Variants in HIVEP3 observed in about 807,000 individuals in gnomAD.
HIVEP3 encodes the protein transcription factor HIVEP3.
In HIVEP3, 49 loss-of-function variants were observed where a neutral mutation model predicts 152.8. The ratio of observed to expected loss-of-function variants is 0.32; its 90% CI spans 0.26 to 0.41. The LOEUF (loss-of-function observed/expected upper bound fraction) is 0.41. Ranked by LOEUF, HIVEP3 falls within the 10% of genes least tolerant of loss-of-function variation. The pLI is 1.00. For synonymous variants in HIVEP3, 1,269 were observed against 1,289.0 expected (o/e 0.98, Z 0.33); for missense variants, 2,790 against 3,103.3 (o/e 0.90, Z 2.40).
intron 1 of HIVEP3, among the ~76,000 whole-genome samples, chr1:41,975,561 C>T (rs566995221): frequency 6.6e-6 from 1 of 152,186 alleles, no homozygotes; most frequent in Non-Finnish European, 1.5e-5. Context: ...AATTACAGTG[C>T]TGTATTTCTT....
At chr1:41,734,540 C>T (rs1366275654) in intron 1 of HIVEP3, among the ~76,000 whole-genome samples, 1 of 152,186 alleles carries the variant, frequency 6.6e-6, no homozygotes, top group Non-Finnish European at 1.5e-5. Context: ...AGGTGTTCAG[C>T]CAAGGAGCGA....
At chr1:41,711,537 GTGAT>G (rs1256492579) in intron 1 of HIVEP3, among the ~76,000 whole-genome samples, 4 of 152,232 alleles carry the variant, frequency 2.6e-5, no homozygotes, top group Non-Finnish European at 5.9e-5. Context: ...CCATGGGAAG[GTGAT>G]CTCTTTGAGC....
At chr1:41,554,943 G>C (rs1427180617) in intron 5 of HIVEP3, among the ~76,000 whole-genome samples, 1 of 152,190 alleles carries the variant, frequency 6.6e-6, no homozygotes, top group African/African-American at 2.4e-5. Flanking sequence ...TAGGCTACAC[G>C]GGGGTCAAGA....
intron 2 of HIVEP3, among the ~76,000 whole-genome samples, chr1:41,690,317 GGGCAGGGGATGGCTGGGTGT>G (rs1212749766): frequency 3.9e-5 from 6 of 152,236 alleles, no homozygotes; most frequent in Admixed American, 6.5e-5. Context: ...CTGGCTCAAG[GGGCAGGGGATGGCTGGGTGT>G]GGCAGGGGCA....
intron 3 of HIVEP3, among the ~76,000 whole-genome samples, chr1:41,617,610 A>C (rs1644987886): frequency 6.6e-6 from 1 of 152,206 alleles, no homozygotes; most frequent in Non-Finnish European, 1.5e-5. Flanking sequence ...TCCCCATTCA[A>C]AGACACACAG....
intron 5 of HIVEP3, chr1:41,543,716 A>G (rs1052483673): frequency 2.0e-5 from 3 of 152,422 alleles, no homozygotes; most frequent in African/African-American, 4.8e-5. Context: ...ACCTGACCAC[A>G]ACCCAGATGC....
At chr1:42,019,919 C>G (rs72953214) in intron 1 of HIVEP3, among the ~76,000 whole-genome samples, 1,702 of 152,150 alleles carry the variant, frequency 0.011, 27 homozygotes, top group African/African-American at 0.038. Context: ...TAAATCAACA[C>G]TGAATTTTAT....
intron 1 of HIVEP3, among the ~76,000 whole-genome samples, chr1:42,027,177 A>G (rs1362647234): frequency 6.6e-6 from 1 of 151,748 alleles, no homozygotes; most frequent in African/African-American, 2.4e-5. Flanking sequence ...AATAATCTTG[A>G]CTCCTCTCTC....
chr1:41,826,539 G>A (rs1038579692), intron 1 of HIVEP3, among the ~76,000 whole-genome samples: 2 of 152,144 alleles, frequency 1.3e-5, no homozygotes, highest in Non-Finnish European at 2.9e-5. Flanking sequence ...TCAGCCTCCC[G>A]ATGTGAACTG....
chr1:41,803,615 G>A (rs542000961), intron 1 of HIVEP3, among the ~76,000 whole-genome samples: 4 of 152,274 alleles, frequency 2.6e-5, no homozygotes, highest in Admixed American at 6.5e-5. Flanking sequence ...GGGCCACATG[G>A]TCCAAGAGCC....
intron 1 of HIVEP3, among the ~76,000 whole-genome samples, chr1:41,965,398 T>G (rs1175640704): frequency 6.6e-6 from 1 of 152,184 alleles, no homozygotes; most frequent in Non-Finnish European, 1.5e-5. Context: ...CTGACAGAAG[T>G]AGGCTTCAGA....
At chr1:41,637,916 G>A (rs1169287387) in intron 2 of HIVEP3, among the ~76,000 whole-genome samples, 1 of 152,170 alleles carries the variant, frequency 6.6e-6, no homozygotes, top group African/African-American at 2.4e-5. Context: ...GATGAAAACA[G>A]TTAAGAGGCC....
intron 5 of HIVEP3, among the ~76,000 whole-genome samples, chr1:41,554,628 A>C (rs1009632552): frequency 6.6e-6 from 1 of 152,108 alleles, no homozygotes. Context: ...TTGTTGTTTT[A>C]TCTACCTTTG....
At chr1:41,526,817 C>T (rs28972311) in intron 5 of HIVEP3, among the ~76,000 whole-genome samples, 56,550 of 126,110 alleles carry the variant, frequency 0.45, 12,803 homozygotes, top group Middle Eastern at 0.5. Flanking sequence ...ACACATACAC[C>T]CCCCCACACT....
intron 1 of HIVEP3, among the ~76,000 whole-genome samples, chr1:41,798,082 T>G (rs2124308075): frequency 6.6e-6 from 1 of 152,120 alleles, no homozygotes; most frequent in East Asian, 1.9e-4. Flanking sequence ...AGGTGGGAAT[T>G]GAACAATGAG....
At chr1:41,872,527 T>C (rs1353476453) in intron 1 of HIVEP3, among the ~76,000 whole-genome samples, 1 of 152,146 alleles carries the variant, frequency 6.6e-6, no homozygotes, top group Non-Finnish European at 1.5e-5. Flanking sequence ...TTTAACACAC[T>C]CTTTCTCGGT....
intron 1 of HIVEP3, among the ~76,000 whole-genome samples, chr1:41,718,442 G>A (rs1646627446): frequency 6.6e-6 from 1 of 152,226 alleles, no homozygotes; most frequent in African/African-American, 2.4e-5. Flanking sequence ...TACGTAAAGT[G>A]CTTAGCATGG....
chr1:42,035,393 C>T (rs1645635594), intron 1 of HIVEP3, among the ~76,000 whole-genome samples: 1 of 152,260 alleles, frequency 6.6e-6, no homozygotes, highest in African/African-American at 2.4e-5. Flanking sequence ...CTCCGTCTCC[C>T]CGCATCTCTC....
intron 1 of HIVEP3, among the ~76,000 whole-genome samples, chr1:41,784,521 G>C (rs1182401546): frequency 6.6e-6 from 1 of 152,220 alleles, no homozygotes; most frequent in Non-Finnish European, 1.5e-5. Context: ...ACCCAGAACA[G>C]GGAGAGCAAT....
Sources: gnomAD v4.1 joint callset for allele counts (sites outside exome capture counted in the v4.1 genomes callset) on GRCh38, gnomAD v4.1.1 for gene constraint, MANE v1.5 for transcripts, NCBI Gene and HGNC (gene_info 2026-07-23, HGNC 2026-07-21) for gene names.